BRCA2: variants seen among roughly 807,000 people sequenced by gnomAD.
BRCA2 encodes the protein BRCA2 DNA repair associated.
In BRCA2, 203 loss-of-function variants were observed where a neutral mutation model predicts 276.7. The ratio of observed to expected loss-of-function variants is 0.73; its 90% CI spans 0.65 to 0.82. The LOEUF (loss-of-function observed/expected upper bound fraction) is 0.82. Among genes scored for constraint, BRCA2 ranks in the 40% least tolerant of loss-of-function variants. The pLI, the probability that BRCA2 is intolerant of heterozygous loss-of-function variation, is 0.00. For missense variants in BRCA2, 3,920 were observed against 3,915.0 expected (o/e 1.00, Z -0.03); for synonymous variants, 1,289 against 1,338.4 (o/e 0.96, Z 0.81).
chr13:32,386,384 G>T (rs2072960834), intron 24 of BRCA2, among the ~76,000 whole-genome samples: 2 of 152,186 alleles, frequency 1.3e-5, no homozygotes, highest in African/African-American at 4.8e-5. Flanking sequence ...CTCCAGCCTG[G>T]GCCACAGAAC....
chr13:32,333,209 A>G lies in BRCA2; in HGVS notation c.1731A>G (p.Ala577=), dbSNP rs2137474329. Residue 577 remains alanine, a synonymous_variant, in exon 10 of 27, where the codon GCA becomes GCG. Coordinates refer to ENST00000380152, the MANE Select transcript of BRCA2 (RefSeq NM_000059.4). ...TTQNSVALKN[A]GLISTLKKKT... ...AGAATTCTGTAGCTTTGAAGAATGC[A>G]GGTTTAATATCCACTTTGAAAAAGA... is the stretch of plus-strand genomic sequence containing the variant. 6.2e-7 allele frequency: 1 copy of G among 1,613,562 alleles called. No homozygotes were observed. The highest frequency in any genetic ancestry group is 8.5e-7 in the Non-Finnish European group (1 of 1,179,562).
intron 16 of BRCA2, among the ~76,000 whole-genome samples, chr13:32,359,222 GAA>G (rs67041705): frequency 0.23 from 24,318 of 107,858 alleles, 1,524 homozygotes; most frequent in East Asian, 0.37. Flanking sequence ...TCCATCTCAA[GAA>G]AAAAAAAAAA....
chr13:32,326,517 C>CAT lies in BRCA2; in HGVS notation c.538_539dup (p.Ser181PhefsTer5), dbSNP rs80359510. 9 of 1,613,472 alleles carry CAT rather than the reference C, an allele frequency of 5.6e-6. No homozygotes were observed. Among genetic ancestry groups the CAT allele is most frequent in the Non-Finnish European group, 7.6e-6 (9 of 1,179,438 alleles). ...CTCCCAGGGTCGTCAGACACCAAAA[C>CAT]ATATTTCTGAAAGTCTAGGAGCTGA... On this transcript the variant is annotated frameshift_variant, in exon 7 of 27. Coordinates refer to ENST00000380152, the MANE Select transcript of BRCA2 (RefSeq NM_000059.4). LOFTEE classifies it high-confidence loss of function.
chr13:32,360,935 G>A (rs192628937), intron 16 of BRCA2, among the ~76,000 whole-genome samples: 4 of 152,324 alleles, frequency 2.6e-5, no homozygotes, highest in African/African-American at 9.6e-5. Flanking sequence ...TGGAAGGATA[G>A]AGTTGTATGT....
chr13:32,381,581 C>T (rs1166737225), intron 24 of BRCA2, among the ~76,000 whole-genome samples: 2 of 152,092 alleles, frequency 1.3e-5, no homozygotes, highest in Admixed American at 6.5e-5. Context: ...GAAGCATTGG[C>T]AGAGACCAGA....
chr13:32,334,364 G>C (rs2072432745), intron 10 of BRCA2, among the ~76,000 whole-genome samples: 1 of 152,050 alleles, frequency 6.6e-6, no homozygotes, highest in African/African-American at 2.4e-5. Flanking sequence ...TACTTACTAT[G>C]TATTTTCTCT....
intron 24 of BRCA2, 65 bp from the exon 25 acceptor site, chr13:32,394,624 T>G (rs1420097378): frequency 6.4e-6 from 10 of 1,550,510 alleles, no homozygotes; most frequent in Non-Finnish European, 8.8e-6. Flanking sequence ...GAGTTTCCTT[T>G]CTTGCATCTT....
At chr13:32,344,960 G>A (rs2072601522) in intron 12 of BRCA2, among the ~76,000 whole-genome samples, 1 of 152,158 alleles carries the variant, frequency 6.6e-6, no homozygotes, top group African/African-American at 2.4e-5. Context: ...TCTTCCGAAA[G>A]TTGACAGTTT....
chr13:32,337,571 A>G lies in BRCA2; in HGVS notation c.3216A>G (p.Leu1072=), dbSNP rs1174215360. ...CAATTAATACTGTATCTGCACATTT[A>G]CAGAGTAGTGTAGTTGTTTCTGATT... ...PQSINTVSAH[L]QSSVVVSDCK... is the part of the protein sequence containing the mutation. Residue 1072 remains leucine (L), a synonymous_variant, in exon 11 of 27, where the codon TTA becomes TTG. Transcript: ENST00000380152. The G allele has an allele frequency of 6.2e-7, 1 of 1,605,828 alleles. No homozygotes were observed. Among genetic ancestry groups the G allele is most frequent in the Non-Finnish European group, 8.5e-7 (1 of 1,175,830 alleles).
In BRCA2 at chr13:32,338,010, T is replaced by G. The variant is rs80358610; in HGVS notation, c.3655T>G (p.Phe1219Val). Residue 1219 changes from phenylalanine to valine, a missense_variant, in exon 11 of 27, where the codon TTT becomes GTT. Coordinates refer to ENST00000380152, the MANE Select transcript of BRCA2 (RefSeq NM_000059.4). ...TGAAAATGAAGTGGGGTTTAGGGGC[T>G]TTTATTCTGCTCATGGCACAAAACT... Reference protein sequence around the residue: ...TDENEVGFRGFYSAHGTKLNV... With the variant: ...TDENEVGFRGVYSAHGTKLNV... 1.9e-6 allele frequency: 3 copies of G among 1,612,920 alleles called. No individual in the cohort carries two copies. Among genetic ancestry groups the G allele is most frequent in the Admixed American group, 3.3e-5 (2 of 59,876 alleles).
rs2072313585 is a variant in BRCA2, at chr13:32,322,591, G to T, written c.317-2485G>T. Among the ~76,000 whole-genome samples the T allele has an allele frequency of 3.3e-5, 5 of 152,202 alleles. No individual in the cohort carries two copies. In the South Asian group the frequency reaches 8.3e-4, roughly 25 times the overall value. On this transcript the variant is annotated intron_variant, in intron 3 of 26. Coordinates refer to ENST00000380152, the MANE Select transcript of BRCA2 (RefSeq NM_000059.4). ...GCCTTTAAGCGGTTTTCTGCCCCGG[G>T]TGGGCCAGGTGTTCCTTGCCCTCAT...
At position 32,337,546 on chromosome 13, in the gene BRCA2, CAATT is replaced by C. The variant is rs80359375; in HGVS notation, c.3195_3198del (p.Asn1066LeufsTer10). On this transcript the variant is annotated frameshift_variant, in exon 11 of 27. Coordinates refer to ENST00000380152, the MANE Select transcript of BRCA2 (RefSeq NM_000059.4). LOFTEE classifies it high-confidence loss of function. ...CAAAAGAAACTGAGCAAGCCTCAGTCAATTAATACTGTATCTGCACATTTACAGA... is the reference window on the plus strand; with the variant it reads ...CAAAAGAAACTGAGCAAGCCTCAGTCAATACTGTATCTGCACATTTACAGA... 2 of 1,607,446 alleles carry C rather than the reference CAATT, an allele frequency of 1.2e-6. No homozygotes were observed. The highest frequency in any genetic ancestry group is 1.7e-6 in the Non-Finnish European group (2 of 1,176,650).
intron 13 of BRCA2, among the ~76,000 whole-genome samples, chr13:32,349,661 C>CA (rs1209491530): frequency 6.6e-6 from 1 of 151,644 alleles, no homozygotes; most frequent in Non-Finnish European, 1.5e-5. Context: ...GTTAAAAATG[C>CA]AAAAATTAGC....
intron 18 of BRCA2, among the ~76,000 whole-genome samples, chr13:32,368,300 T>A (rs76370881): frequency 7.2e-5 from 11 of 151,968 alleles, no homozygotes; most frequent in African/African-American, 2.4e-4. Flanking sequence ...GATTACAGGC[T>A]TGAGCCTGTA....
intron 24 of BRCA2, among the ~76,000 whole-genome samples, chr13:32,390,318 G>A (rs1227491539): frequency 2.0e-5 from 3 of 152,060 alleles, no homozygotes; most frequent in Non-Finnish European, 4.4e-5. Context: ...TAGGCTGGGC[G>A]CAGTAGCTAA....
chr13:32,369,103 C>T (rs975497894), intron 18 of BRCA2, among the ~76,000 whole-genome samples: 4 of 152,044 alleles, frequency 2.6e-5, no homozygotes, highest in South Asian at 2.1e-4. Flanking sequence ...CCACAGCGCC[C>T]GGCCCAGTTT....
chr13:32,365,755 TC>T (rs889334670), intron 18 of BRCA2, among the ~76,000 whole-genome samples: 1 of 150,304 alleles, frequency 6.7e-6, no homozygotes, highest in African/African-American at 2.4e-5. Context: ...CTTTTTTTTT[TC>T]CTTTAATTCT....
intron 22 of BRCA2, 57 bp from the exon 23 acceptor site, chr13:32,379,693 A>G (rs377282012): frequency 6.4e-7 from 1 of 1,572,416 alleles, no homozygotes; most frequent in South Asian, 1.1e-5. Context: ...TTTTGAAACA[A>G]ACATTTAAAT....
At chr13:32,370,042 C>G (rs570913845) in intron 18 of BRCA2, among the ~76,000 whole-genome samples, 1 of 152,282 alleles carries the variant, frequency 6.6e-6, no homozygotes, top group South Asian at 2.1e-4. Context: ...TACCTCATTT[C>G]CTATTCTCTC....
Sources: allele counts gnomAD v4.1 joint callset (sites outside exome capture counted in the v4.1 genomes callset), GRCh38; gene constraint gnomAD v4.1.1; transcripts MANE v1.5; gene names NCBI Gene and HGNC (gene_info 2026-07-23, HGNC 2026-07-21).